The following WFDC11 variants were observed in gnomAD, a reference collection of about 807,000 sequenced individuals.
The protein encoded by WFDC11 is WAP four-disulfide core domain 11.
In WFDC11, 9 loss-of-function variants were observed where a neutral mutation model predicts 9.9. That is an observed-to-expected ratio of 0.91 (90% confidence interval 0.55 to 1.58). The LOEUF is 1.58. WFDC11 is among the 40% of genes most tolerant of loss of function. The probability of loss-of-function intolerance (pLI) is 0.00; values close to 1 mark genes in which losing one functional copy is unlikely to be tolerated. For synonymous variants in WFDC11, 32 were observed against 33.3 expected, an observed-to-expected ratio of 0.96 and a Z score of 0.13; for missense variants, 106 against 101.7, an observed-to-expected ratio of 1.04 and a Z score of -0.18.
chr20:45,649,436 T>A, intron 3 of WFDC11, 37 bp from the exon 4 acceptor site: 1 of 1,607,044 alleles, frequency 6.2e-7, no homozygotes, highest in Non-Finnish European at 8.5e-7. Flanking sequence ...GTTGATGGTA[T>A]GTTTCAGCCA....
chr20:45,652,808 G>A (rs899212486), intron 2 of WFDC11, among the ~76,000 whole-genome samples: 2 of 152,162 alleles, frequency 1.3e-5, no homozygotes, highest in African/African-American at 2.4e-5. Context: ...TAGCCAATTC[G>A]ATCAACTGGA....
chr20:45,660,093 G>T (rs1294587756), intron 2 of WFDC11, among the ~76,000 whole-genome samples: 6 of 152,078 alleles, frequency 3.9e-5, no homozygotes, highest in Admixed American at 3.9e-4. Context: ...CTAGTCCCTT[G>T]AGCTGTGACA....
chr20:45,652,128 A>T lies in WFDC11; in HGVS notation c.-51-1477T>A, dbSNP rs113735560. ...CAGCTGGAGATCTGAGAACAGACAG[A>T]CTGCCTTCTCAAGTGGGTCCCTGAC... On this transcript the variant is annotated intron_variant, in intron 2 of 4. Coordinates refer to ENST00000324384, the MANE Select transcript of WFDC11 (RefSeq NM_147197.2). 1.4e-4 allele frequency among the ~76,000 whole-genome samples: 21 copies of T among 152,336 alleles called. 1 individual carries two copies. The highest frequency in any genetic ancestry group is 5.1e-4 in the African/African-American group (21 of 41,582).
Position 45,666,219 on chromosome 20 carries a change from C to T in WFDC11, c.-52+869G>A, listed in dbSNP as rs1363604495. Among the ~76,000 whole-genome samples the T allele has an allele frequency of 2.6e-5, 4 of 152,346 alleles. 1 individual carries two copies. Among genetic ancestry groups the T allele is most frequent in the Non-Finnish European group, 5.9e-5 (4 of 68,028 alleles). ...TGAGCAAGGCTCCGTGGGTGTGGGA[C>T]CCGCCAAGCCAGGCCCGGGAGAGAA... is the stretch of plus-strand genomic sequence containing the variant. On this transcript the variant is annotated intron_variant, in intron 2 of 4. Coordinates refer to ENST00000324384, the MANE Select transcript of WFDC11 (RefSeq NM_147197.2).
chr20:45,661,711 A>C, intron 2 of WFDC11, among the ~76,000 whole-genome samples: 1 of 152,126 alleles, frequency 6.6e-6, no homozygotes, highest in African/African-American at 2.4e-5. Context: ...CAGGTTTGTC[A>C]AAGATCAGAT....
chr20:45,651,723 G>A (rs148957706), intron 2 of WFDC11, among the ~76,000 whole-genome samples: 5,328 of 149,226 alleles, frequency 0.036, 101 homozygotes, highest in Middle Eastern at 0.088. Flanking sequence ...CTGGAAAATC[G>A]GGTCACTCCG....
At chr20:45,660,632 T>C (rs899794333) in intron 2 of WFDC11, among the ~76,000 whole-genome samples, 2 of 152,170 alleles carry the variant, frequency 1.3e-5, no homozygotes, top group African/African-American at 4.8e-5. Context: ...GTTCTCATTG[T>C]TCAATTCCCA....
At chr20:45,662,816 G>A (rs968108762) in intron 2 of WFDC11, among the ~76,000 whole-genome samples, 8 of 152,150 alleles carry the variant, frequency 5.3e-5, no homozygotes, top group Non-Finnish European at 8.8e-5. Flanking sequence ...GCTGGATTCA[G>A]TTTGCCAGTG....
At chr20:45,652,833 T>C (rs547307082) in intron 2 of WFDC11, among the ~76,000 whole-genome samples, 1 of 152,060 alleles carries the variant, frequency 6.6e-6, no homozygotes, top group East Asian at 1.9e-4. Flanking sequence ...AGGGTATCAG[T>C]GATGGAAGAT....
At chr20:45,662,761 G>A (rs1021684120) in intron 2 of WFDC11, among the ~76,000 whole-genome samples, 1 of 152,188 alleles carries the variant, frequency 6.6e-6, no homozygotes, top group Non-Finnish European at 1.5e-5. Flanking sequence ...TGCATTCCAG[G>A]GATGAAGCCA....
chr20:45,650,645 G>T lies in WFDC11; in HGVS notation c.-45C>A. ...GTCAGAAGGATTATTTTTCTTCCCA[G>T]TCGCTGCTAGAGATCAAGACATATA... On this transcript the variant is annotated 5_prime_UTR_variant, in exon 3 of 5. The change creates a new upstream start codon in the 5' untranslated region. Transcript: ENST00000324384. 1 of 1,510,568 alleles carries T rather than the reference G, an allele frequency of 6.6e-7. No homozygotes were observed. Among genetic ancestry groups the T allele is most frequent in the Non-Finnish European group, 9.2e-7 (1 of 1,086,210 alleles). 93.6% of individuals were successfully genotyped at this position (1,510,568 alleles called of 1,614,324 possible). A position where few individuals can be genotyped will look rare whatever the true frequency, so the allele number is the denominator to read the frequency against.
chr20:45,653,776 C>T (rs1328936880), intron 2 of WFDC11, among the ~76,000 whole-genome samples: 1 of 152,104 alleles, frequency 6.6e-6, no homozygotes, highest in Non-Finnish European at 1.5e-5. Context: ...TCAGGGGTTG[C>T]AATCCTAGTC....
chr20:45,669,221 A>G (rs747235397), intron 1 of WFDC11, among the ~76,000 whole-genome samples: 3 of 152,142 alleles, frequency 2.0e-5, no homozygotes, highest in Non-Finnish European at 4.4e-5. Context: ...AAATTAAAAA[A>G]CCATCTTTAT....
At chr20:45,651,009 C>A (rs1386969800) in intron 2 of WFDC11, among the ~76,000 whole-genome samples, 2 of 152,156 alleles carry the variant, frequency 1.3e-5, no homozygotes, top group Admixed American at 6.5e-5. Context: ...ATTATTTCAT[C>A]ACCCAGGTAT....
At chr20:45,662,039 C>T (rs1430411485) in intron 2 of WFDC11, among the ~76,000 whole-genome samples, 1 of 152,058 alleles carries the variant, frequency 6.6e-6, no homozygotes, top group East Asian at 1.9e-4. Flanking sequence ...ATTGATTCTT[C>T]CTAGCCATGA....
chr20:45,654,076 A>C (rs1333024223), intron 2 of WFDC11, among the ~76,000 whole-genome samples: 7 of 152,218 alleles, frequency 4.6e-5, no homozygotes, highest in Non-Finnish European at 7.4e-5. Flanking sequence ...CTGCACCAAG[A>C]GGACCTAATA....
intron 2 of WFDC11, among the ~76,000 whole-genome samples, chr20:45,651,105 CCTT>C (rs1236262785): frequency 2.0e-5 from 3 of 152,152 alleles, no homozygotes; most frequent in African/African-American, 7.2e-5. Flanking sequence ...GTTGGTTGTT[CCTT>C]CTTTGTATTC....
At chr20:45,654,024 A>G (rs1413194818) in intron 2 of WFDC11, among the ~76,000 whole-genome samples, 2 of 152,196 alleles carry the variant, frequency 1.3e-5, no homozygotes, top group Non-Finnish European at 2.9e-5. Context: ...CAGACCAACA[A>G]GACAGAAAGT....
At chr20:45,658,829 G>A (rs1005176852) in intron 2 of WFDC11, among the ~76,000 whole-genome samples, 14 of 151,974 alleles carry the variant, frequency 9.2e-5, no homozygotes, top group African/African-American at 2.4e-4. Flanking sequence ...CCATCAACCC[G>A]TCATCTACAT....
Sources: gnomAD v4.1 joint callset for allele counts (sites outside exome capture counted in the v4.1 genomes callset) on GRCh38, gnomAD v4.1.1 for gene constraint, MANE v1.5 for transcripts, NCBI Gene and HGNC (gene_info 2026-07-23, HGNC 2026-07-21) for gene names.